PALLD: variants seen among roughly 807,000 people sequenced by gnomAD.
PALLD encodes palladin.
Under a neutral mutation model 123.5 loss-of-function variants are expected in PALLD, and 61 were observed. That is an observed-to-expected ratio of 0.49 (90% confidence interval 0.40 to 0.61). PALLD has a LOEUF of 0.61. PALLD is among the 20% of genes least tolerant of loss of function. The pLI, the probability that PALLD is intolerant of heterozygous loss-of-function variation, is 0.00. For synonymous variants in PALLD, 465 were observed against 496.4 expected (o/e 0.94, Z 0.84); for missense variants, 1,273 against 1,377.0 (o/e 0.92, Z 1.20).
chr4:168,920,644 G>C (rs1761287412), intron 17 of PALLD, among the ~76,000 whole-genome samples: 1 of 152,208 alleles, frequency 6.6e-6, no homozygotes, highest in Non-Finnish European at 1.5e-5. Context: ...GCTTTTATCT[G>C]ATCTCTGGTC....
intron 1 of PALLD, among the ~76,000 whole-genome samples, chr4:168,509,177 A>C (rs975279011): frequency 2.6e-5 from 4 of 152,164 alleles, no homozygotes; most frequent in African/African-American, 9.7e-5. Context: ...AGATATACAA[A>C]TGATTTTTTT....
At chr4:168,706,344 G>A (rs112068319) in intron 8 of PALLD, among the ~76,000 whole-genome samples, 2 of 152,042 alleles carry the variant, frequency 1.3e-5, no homozygotes, top group African/African-American at 4.8e-5. Flanking sequence ...AGAACATAAA[G>A]AATAAACTAA....
At chr4:168,605,835 T>C (rs573064435) in intron 2 of PALLD, among the ~76,000 whole-genome samples, 109 of 152,346 alleles carry the variant, frequency 7.2e-4, no homozygotes, top group Non-Finnish European at 1.4e-3. Flanking sequence ...ATTGAAGGAA[T>C]TCTTGCCACC....
At chr4:168,836,338 C>T (rs1057370357) in intron 10 of PALLD, among the ~76,000 whole-genome samples, 14 of 152,226 alleles carry the variant, frequency 9.2e-5, no homozygotes, top group African/African-American at 2.6e-4. Context: ...TTTCCTGCTG[C>T]GGGAGAAGCT....
rs1379376465 is a variant in PALLD, at chr4:168,903,802, C to T, written c.2518C>T (p.His840Tyr). 4 of 1,611,506 alleles carry T rather than the reference C, an allele frequency of 2.5e-6. No individual in the cohort carries two copies. Among genetic ancestry groups the T allele is most frequent in the Non-Finnish European group, 3.4e-6 (4 of 1,177,684 alleles). ...GAAGCAGATCTCTCCAAAGAGTGATCACTACACCATTCAAAGAGATCTCGA... is the reference window on the plus strand; with the variant it reads ...GAAGCAGATCTCTCCAAAGAGTGATTACTACACCATTCAAAGAGATCTCGA... ...DGKQISPKSDHYTIQRDLDGT... is the reference protein window; with the variant it reads ...DGKQISPKSDYYTIQRDLDGT... The change falls in exon 15 of 22, where the codon CAC becomes TAC. Residue 840 changes from histidine (H) to tyrosine (Y), a missense_variant. Physicochemically the swap from His to Tyr is moderately conservative, Grantham distance 83 (BLOSUM62 2). Transcript: ENST00000505667.
At chr4:168,700,991 T>C (rs1213955196) in intron 8 of PALLD, 1 of 152,170 alleles carries the variant, frequency 6.6e-6, no homozygotes, top group Non-Finnish European at 1.5e-5. Context: ...CCTACCTTTA[T>C]GAGTCAATAG....
At chr4:168,701,996 CTT>C (rs1239914056) in intron 8 of PALLD, among the ~76,000 whole-genome samples, 1 of 152,176 alleles carries the variant, frequency 6.6e-6, no homozygotes, top group Non-Finnish European at 1.5e-5. Flanking sequence ...TCCAATGTGT[CTT>C]ATACCTCAGA....
At chr4:168,700,862 T>G (rs1783605854) in intron 8 of PALLD, 1 of 151,830 alleles carries the variant, frequency 6.6e-6, no homozygotes, top group South Asian at 2.1e-4. Flanking sequence ...CCCCTGTTTC[T>G]AAAAAAAAGA....
chr4:168,730,365 C>A (rs1787039021), intron 10 of PALLD, among the ~76,000 whole-genome samples: 1 of 152,064 alleles, frequency 6.6e-6, no homozygotes, highest in African/African-American at 2.4e-5. Flanking sequence ...GCAATCGTGT[C>A]CTTTGCCTCA....
intron 10 of PALLD, among the ~76,000 whole-genome samples, chr4:168,849,766 A>AC (rs1747468948): frequency 6.6e-6 from 1 of 150,856 alleles, no homozygotes; most frequent in Non-Finnish European, 1.5e-5. Flanking sequence ...AAAAAAAAAA[A>AC]ACACTGACCC....
intron 1 of PALLD, among the ~76,000 whole-genome samples, chr4:168,509,057 G>C (rs9884789): frequency 0.29 from 44,397 of 152,036 alleles, 6,576 homozygotes; most frequent in Non-Finnish European, 0.33. Flanking sequence ...TCTGGTGGAC[G>C]TTCCAGGGTC....
At chr4:168,505,315 C>A (rs540605735) in intron 1 of PALLD, among the ~76,000 whole-genome samples, 1 of 152,308 alleles carries the variant, frequency 6.6e-6, no homozygotes, top group East Asian at 1.9e-4. Context: ...CTCTTTAAAA[C>A]CAAAATATGA....
At chr4:168,540,870 A>G (rs1765544644) in intron 2 of PALLD, among the ~76,000 whole-genome samples, 1 of 151,948 alleles carries the variant, frequency 6.6e-6, no homozygotes, top group Admixed American at 6.5e-5. Flanking sequence ...CAAAATTATT[A>G]AATTAGCTGT....
intron 10 of PALLD, among the ~76,000 whole-genome samples, chr4:168,788,217 C>G (rs1737021716): frequency 7.2e-6 from 1 of 138,746 alleles, no homozygotes. Flanking sequence ...TTCCAAAGTT[C>G]CTTACAAGTA....
At chr4:168,904,114 C>T (rs1757122235) in intron 15 of PALLD, 1 of 573,640 alleles carries the variant, frequency 1.7e-6, no homozygotes, top group South Asian at 2.0e-5. Context: ...TGTTATTCTA[C>T]TCCTTCCACA....
chr4:168,912,863 C>T (rs571461153), intron 15 of PALLD, among the ~76,000 whole-genome samples: 2 of 152,298 alleles, frequency 1.3e-5, no homozygotes, highest in African/African-American at 4.8e-5. Context: ...TTCTGGCTAT[C>T]TCCCCGACCC....
intron 2 of PALLD, among the ~76,000 whole-genome samples, chr4:168,591,360 G>A (rs1238017584): frequency 6.6e-6 from 1 of 152,136 alleles, no homozygotes; most frequent in Non-Finnish European, 1.5e-5. Flanking sequence ...AATCCCAGTG[G>A]GCCAGATACC....
Position 168,927,048 on chromosome 4 carries a change from C to T in PALLD, c.*868C>T, listed in dbSNP as rs1305346673. ...GTTTTCATGCTACCTTGGTAGGAAACTTATTTACAAACCATATTAAAAGGC... is the reference window on the plus strand; with the variant it reads ...GTTTTCATGCTACCTTGGTAGGAAATTTATTTACAAACCATATTAAAAGGC... On this transcript the variant is annotated 3_prime_UTR_variant, in exon 22 of 22. Transcript: ENST00000505667. 3 of 219,410 alleles carry T rather than the reference C, an allele frequency of 1.4e-5. No homozygotes were observed. The Admixed American group carries it at 1.7e-4, about 13-fold the overall frequency. The allele number at this position is 219,410 out of a possible 1,614,324, so 13.6% of individuals were successfully genotyped here.
intron 2 of PALLD, among the ~76,000 whole-genome samples, chr4:168,606,753 G>A (rs1236318345): frequency 1.3e-5 from 2 of 151,890 alleles, no homozygotes; most frequent in East Asian, 1.9e-4. Flanking sequence ...AGAGCTTGGT[G>A]GCTGAACACC....
Sources: gnomAD v4.1 joint callset for allele counts (sites outside exome capture counted in the v4.1 genomes callset) on GRCh38, gnomAD v4.1.1 for gene constraint, MANE v1.5 for transcripts, NCBI Gene and HGNC (gene_info 2026-07-23, HGNC 2026-07-21) for gene names.